Variants in ADAMTS17 observed in about 807,000 individuals in gnomAD.
The protein encoded by ADAMTS17 is ADAM metallopeptidase with thrombospondin type 1 motif 17.
Under a neutral mutation model 141.5 loss-of-function variants are expected in ADAMTS17, and 113 were observed. The observed-to-expected ratio is 0.80, with a 90% CI of 0.69 to 0.93. The LOEUF (loss-of-function observed/expected upper bound fraction) is 0.93. Ranked by LOEUF, ADAMTS17 falls within the 40% of genes least tolerant of loss-of-function variation. The pLI is 0.00. For missense variants in ADAMTS17, 1,659 were observed against 1,517.9 expected (o/e 1.09, Z -1.54); for synonymous variants, 768 against 630.6 (o/e 1.22, Z -3.27).
chr15:100,323,890 C>CA (rs1346329773), intron 3 of ADAMTS17, among the ~76,000 whole-genome samples: 1 of 151,716 alleles, frequency 6.6e-6, no homozygotes, highest in Non-Finnish European at 1.5e-5. Flanking sequence ...TATAAAAGTA[C>CA]AAAAAAACAT....
chr15:99,993,310 T>G lies in ADAMTS17; in HGVS notation c.2797-110A>C. On this transcript the variant is annotated intron_variant, in intron 19 of 21. Coordinates refer to ENST00000268070, the MANE Select transcript of ADAMTS17 (RefSeq NM_139057.4). This position sits in a 1 kb window ranked among gnomAD's most constrained non-coding sequence, Gnocchi z 4.3. Reference sequence around the variant, plus strand: ...GTGCGGTGTGGGGATGATACAAAGATGAAAACCCACACTTCTGTCCTCAAA... The same window carrying G: ...GTGCGGTGTGGGGATGATACAAAGAGGAAAACCCACACTTCTGTCCTCAAA... 6.8e-7 allele frequency: 1 copy of G among 1,470,772 alleles called. No homozygotes were observed. The highest frequency in any genetic ancestry group is 9.4e-7 in the Non-Finnish European group (1 of 1,060,810). The allele number at this position is 1,470,772 out of a possible 1,614,324, so 91.1% of individuals were successfully genotyped here. A position where few individuals can be genotyped will look rare whatever the true frequency, so the allele number is the denominator to read the frequency against.
chr15:100,081,397 C>G (rs1270112423), intron 15 of ADAMTS17, among the ~76,000 whole-genome samples: 2 of 152,152 alleles, frequency 1.3e-5, no homozygotes, highest in Non-Finnish European at 1.5e-5. Context: ...TTAATAAACT[C>G]CCATATATAT....
chr15:100,286,917 C>G (rs545309768), intron 3 of ADAMTS17, among the ~76,000 whole-genome samples: 3 of 152,184 alleles, frequency 2.0e-5, no homozygotes, highest in Non-Finnish European at 2.9e-5. Context: ...AAAGATGAAA[C>G]GGCCATTATA....
chr15:100,093,591 C>T (rs1481829362), intron 15 of ADAMTS17, among the ~76,000 whole-genome samples: 2 of 152,074 alleles, frequency 1.3e-5, no homozygotes, highest in Admixed American at 1.3e-4. Flanking sequence ...GATATGTTTC[C>T]CCTTCAGCCT....
chr15:100,229,313 G>A (rs2042405176), intron 7 of ADAMTS17, among the ~76,000 whole-genome samples: 1 of 130,478 alleles, frequency 7.7e-6, no homozygotes, highest in Non-Finnish European at 1.6e-5. Context: ...AGTGACCATT[G>A]ACTGGACTCC....
intron 8 of ADAMTS17, among the ~76,000 whole-genome samples, chr15:100,175,192 A>G (rs1423386156): frequency 6.6e-6 from 1 of 152,240 alleles, no homozygotes; most frequent in Non-Finnish European, 1.5e-5. Flanking sequence ...TTTTTAAAAA[A>G]GTAACTCTGA....
chr15:100,001,352 CCTTT>C (rs1567662836), intron 18 of ADAMTS17, among the ~76,000 whole-genome samples: 1 of 111,854 alleles, frequency 8.9e-6, no homozygotes, highest in African/African-American at 2.9e-5. Context: ...GGTCTCTTTT[CCTTT>C]TTTTTTTTTT....
At chr15:100,019,812 T>C (rs1029197741) in intron 18 of ADAMTS17, among the ~76,000 whole-genome samples, 1 of 152,230 alleles carries the variant, frequency 6.6e-6, no homozygotes, top group Non-Finnish European at 1.5e-5. Context: ...GCAGCTGCCG[T>C]GGTTCTGAGC....
chr15:100,100,285 A>G (rs2036016698), intron 14 of ADAMTS17, among the ~76,000 whole-genome samples: 1 of 152,166 alleles, frequency 6.6e-6, no homozygotes, highest in African/African-American at 2.4e-5. Context: ...ACTCCGTGAA[A>G]GTGGGTAGCT....
chr15:100,000,391 C>T (rs1398125448), intron 18 of ADAMTS17, among the ~76,000 whole-genome samples: 2 of 152,180 alleles, frequency 1.3e-5, no homozygotes, highest in African/African-American at 2.4e-5. Flanking sequence ...CCCTCCCATT[C>T]ATTTTCTACT....
intron 12 of ADAMTS17, among the ~76,000 whole-genome samples, chr15:100,123,975 T>TA (rs2037586545): frequency 6.6e-6 from 1 of 152,012 alleles, no homozygotes; most frequent in South Asian, 2.1e-4. Context: ...TAGGACTTTT[T>TA]TTTTTTTGGA....
intron 15 of ADAMTS17, among the ~76,000 whole-genome samples, chr15:100,084,606 C>T (rs1313515783): frequency 6.6e-6 from 1 of 152,232 alleles, no homozygotes; most frequent in African/African-American, 2.4e-5. Context: ...TAGGGGCGGA[C>T]TGACACCTCA....
intron 4 of ADAMTS17, among the ~76,000 whole-genome samples, chr15:100,265,760 C>A (rs1335053105): frequency 6.6e-6 from 1 of 152,216 alleles, no homozygotes; most frequent in East Asian, 1.9e-4. Context: ...GCTATTAAGA[C>A]CCCCAAACAG....
chr15:100,176,081 A>G (rs1303270234), intron 8 of ADAMTS17, among the ~76,000 whole-genome samples: 1 of 152,190 alleles, frequency 6.6e-6, no homozygotes, highest in Non-Finnish European at 1.5e-5. Flanking sequence ...GTGGATGGTA[A>G]AAGAATGAGG....
At chr15:100,014,760 A>T (rs1389549759) in intron 18 of ADAMTS17, among the ~76,000 whole-genome samples, 5 of 152,176 alleles carry the variant, frequency 3.3e-5, no homozygotes, top group African/African-American at 4.8e-5. Context: ...AAATTTATTG[A>T]GGCTCATTTT....
chr15:100,095,414 T>C (rs936220456), intron 15 of ADAMTS17, among the ~76,000 whole-genome samples: 9 of 152,096 alleles, frequency 5.9e-5, no homozygotes, highest in African/African-American at 1.9e-4. Flanking sequence ...CAGAGAAAAG[T>C]GGAGAGGAGA....
chr15:100,196,809 G>A (rs1219493096), intron 8 of ADAMTS17, among the ~76,000 whole-genome samples: 1 of 152,214 alleles, frequency 6.6e-6, no homozygotes. Flanking sequence ...AGCAACCAGA[G>A]GGGCCTGCTG....
intron 8 of ADAMTS17, among the ~76,000 whole-genome samples, chr15:100,179,427 T>G (rs1478047024): frequency 6.6e-6 from 1 of 152,240 alleles, no homozygotes; most frequent in African/African-American, 2.4e-5. Flanking sequence ...GTACCATATT[T>G]TTTTAATCCA....
At chr15:100,138,305 T>C (rs1017961811) in intron 10 of ADAMTS17, among the ~76,000 whole-genome samples, 5 of 152,212 alleles carry the variant, frequency 3.3e-5, no homozygotes, top group South Asian at 2.1e-4. Context: ...ATGTGAGTGA[T>C]GGTCAGCAGC....
Sources: gnomAD v4.1 joint callset for allele counts (sites outside exome capture counted in the v4.1 genomes callset) on GRCh38, gnomAD v4.1.1 for gene constraint, Gnocchi (gnomAD v3.1) non-coding constraint, MANE v1.5 for transcripts, NCBI Gene and HGNC (gene_info 2026-07-23, HGNC 2026-07-21) for gene names.